The following TNFSF12 variants were observed in gnomAD, a reference collection of about 807,000 sequenced individuals.
TNFSF12 encodes the protein TNF superfamily member 12, also known as tumor necrosis factor ligand superfamily member 12.
Under a neutral mutation model 31.2 loss-of-function variants are expected in TNFSF12, and 16 were observed. That is an observed-to-expected ratio of 0.51 (90% confidence interval 0.35 to 0.78). TNFSF12 has a LOEUF of 0.78. TNFSF12 is among the 30% of genes least tolerant of loss of function. TNFSF12 has a pLI of 0.01. For synonymous variants in TNFSF12, 150 were observed against 151.4 expected (o/e 0.99, Z 0.07); for missense variants, 324 against 338.8 (o/e 0.96, Z 0.34).
In TNFSF12 at chr17:7,555,973, G is replaced by GTTTTTTGTTTTTTTTTTTTTT. The variant is rs1555564686; in HGVS notation, c.374-799_374-798insGTTTTTTTTTTTTTTTTTTTT. ...GTGGAAATAAAAATGCCCAGTGAGC[G>GTTTTTTGTTTTTTTTTTTTTT]TTTTTTTTGTTTTTTTTTTTTTTTG... On this transcript the variant is annotated intron_variant, in intron 5 of 6. Transcript: ENST00000293825. Among the ~76,000 whole-genome samples the GTTTTTTGTTTTTTTTTTTTTT allele has an allele frequency of 4.5e-4, 32 of 70,908 alleles. 3 individuals carry two copies. The highest frequency in any genetic ancestry group is 8.7e-4 in the East Asian group (2 of 2,296). The allele number at this position is 70,908 out of a possible 152,430, so 46.5% of individuals were successfully genotyped here. A position where few individuals can be genotyped will look rare whatever the true frequency, so the allele number is the denominator to read the frequency against.
rs1024283372 is a variant in TNFSF12 at position 7,549,791 on chromosome 17, G to C, written c.207+270G>C. 1.8e-5 allele frequency: 11 copies of C among 604,124 alleles called. No homozygotes were observed. The highest frequency in any genetic ancestry group is 3.1e-5 in the Non-Finnish European group (11 of 351,418). The allele number at this position is 604,124 out of a possible 1,614,324, so 37.4% of individuals were successfully genotyped here. Reference sequence around the variant, plus strand: ...TGTATAAGATATGTGAGTCTGCGTGGAAGAGGGGTGCGGTTGTGTACAGGG... The same window carrying C: ...TGTATAAGATATGTGAGTCTGCGTGCAAGAGGGGTGCGGTTGTGTACAGGG... On this transcript the variant is annotated intron_variant, in intron 2 of 6. Transcript: ENST00000293825. The surrounding 1 kb of genome is among the most constrained non-coding windows in gnomAD (Gnocchi z 4.1).
rs1203583303 is a variant in TNFSF12, at chr17:7,549,116, A to AT, written c.-37dup. ...CTCCCCCGATCCCTCGGGTCCCGGG[A>AT]TGGGGGGGCGGTGAGGCAGGCACAG... On this transcript the variant is annotated 5_prime_UTR_variant, in exon 1 of 7. It removes an upstream start codon present in the reference 5' UTR. Transcript: ENST00000293825. This position sits in a 1 kb window ranked among gnomAD's most constrained non-coding sequence, Gnocchi z 4.1. 3 of 1,144,746 alleles carry AT rather than the reference A, an allele frequency of 2.6e-6. No homozygotes were observed. Among genetic ancestry groups the AT allele is most frequent in the Non-Finnish European group, 3.2e-6 (3 of 936,086 alleles). 70.9% of individuals were successfully genotyped at this position (1,144,746 alleles called of 1,614,324 possible).
chr17:7,556,988 G>A, intron 6 of TNFSF12, 86 bp downstream of exon 6: 6 of 1,537,792 alleles, frequency 3.9e-6, no homozygotes, highest in Non-Finnish European at 3.5e-6. Flanking sequence ...TACAGGGCTG[G>A]GAGGGTGAGT....
chr17:7,549,994 C>T lies in TNFSF12; in HGVS notation c.208-126C>T, dbSNP rs1399873788. 4.7e-6 allele frequency: 7 copies of T among 1,481,966 alleles called. No individual in the cohort carries two copies. The Admixed American group carries it at 8.9e-5, about 19-fold the overall frequency. The allele number at this position is 1,481,966 out of a possible 1,614,324, so 91.8% of individuals were successfully genotyped here. On this transcript the variant is annotated intron_variant, in intron 2 of 6. Coordinates refer to ENST00000293825, the MANE Select transcript of TNFSF12 (RefSeq NM_003809.3). The surrounding 1 kb of genome is among the most constrained non-coding windows in gnomAD (Gnocchi z 4.1). Reference sequence around the variant, plus strand: ...TGCCCGGGGCCCCAGCTGTAGTTGGCTGAGGGGCTTAATCTGTCCCTGACT... The same window carrying T: ...TGCCCGGGGCCCCAGCTGTAGTTGGTTGAGGGGCTTAATCTGTCCCTGACT...
chr17:7,551,058 C>A, intron 5 of TNFSF12, 80 bp downstream of exon 5: 1 of 1,602,998 alleles, frequency 6.2e-7, no homozygotes. Context: ...ACTCCCTTCC[C>A]GGCCATCAGT....
At chr17:7,555,138 AC>A in intron 5 of TNFSF12, among the ~76,000 whole-genome samples, 1 of 82,698 alleles carries the variant, frequency 1.2e-5, no homozygotes, top group Non-Finnish European at 3.5e-5. Context: ...CAAGAGTGAG[AC>A]TCCATCTCAA....
Position 7,554,750 on chromosome 17 carries a change from G to A in TNFSF12, c.374-2028G>A, listed in dbSNP as rs933136180. Reference sequence around the variant, plus strand: ...CTGCCTCAGTCTCCCGAGTAGCTGGGACTACAGGCGCCTGCCACCACGCCT... The same window carrying A: ...CTGCCTCAGTCTCCCGAGTAGCTGGAACTACAGGCGCCTGCCACCACGCCT... On this transcript the variant is annotated intron_variant, in intron 5 of 6. Coordinates refer to ENST00000293825, the MANE Select transcript of TNFSF12 (RefSeq NM_003809.3). Among the ~76,000 whole-genome samples, 3 of 137,274 alleles carry A rather than the reference G, an allele frequency of 2.2e-5. No homozygotes were observed. In the Admixed American group the frequency reaches 2.2e-4, roughly 10 times the overall value. 90.1% of individuals were successfully genotyped at this position (137,274 alleles called of 152,430 possible). A position where few individuals can be genotyped will look rare whatever the true frequency, so the allele number is the denominator to read the frequency against.
Position 7,549,985 on chromosome 17 carries a change from T to C in TNFSF12, c.208-135T>C. 7.1e-7 allele frequency: 1 copy of C among 1,407,834 alleles called. No individual in the cohort carries two copies. Among genetic ancestry groups the C allele is most frequent in the African/African-American group, 1.4e-5 (1 of 70,326 alleles). 87.2% of individuals were successfully genotyped at this position (1,407,834 alleles called of 1,614,324 possible). A position where few individuals can be genotyped will look rare whatever the true frequency, so the allele number is the denominator to read the frequency against. ...CTTCACCTTTGCCCGGGGCCCCAGC[T>C]GTAGTTGGCTGAGGGGCTTAATCTG... On this transcript the variant is annotated intron_variant, in intron 2 of 6. Coordinates refer to ENST00000293825, the MANE Select transcript of TNFSF12 (RefSeq NM_003809.3). This position sits in a 1 kb window ranked among gnomAD's most constrained non-coding sequence, Gnocchi z 4.1.
chr17:7,555,982 GTTTTT>G (rs1167470187), intron 5 of TNFSF12, among the ~76,000 whole-genome samples: 1 of 117,734 alleles, frequency 8.5e-6, no homozygotes, highest in Non-Finnish European at 1.7e-5. Context: ...CGTTTTTTTT[GTTTTT>G]TTTTTTTTTT....
chr17:7,552,422 G>C (rs762161371), intron 5 of TNFSF12, among the ~76,000 whole-genome samples: 1 of 151,372 alleles, frequency 6.6e-6, no homozygotes, highest in South Asian at 2.1e-4. Context: ...CTGCCTCCTG[G>C]GTCCAAGCGA....
rs1215997251 is a variant in TNFSF12, at chr17:7,557,160, T to C, written c.560T>C (p.Leu187Pro). The change falls in exon 7 of 7, where the codon CTG becomes CCG. Residue 187 changes from leucine (L) to proline (P), a missense_variant. By Grantham distance (98) the Leu-to-Pro change is moderately conservative. Coordinates refer to ENST00000293825, the MANE Select transcript of TNFSF12 (RefSeq NM_003809.3). The surrounding 1 kb of genome is among the most constrained non-coding windows in gnomAD (Gnocchi z 5.2). ...LKLDLLVDGV[L>P]ALRCLEEFSA... The stretch of plus-strand genomic sequence containing the variant: ...CTGGACTTGCTGGTGGATGGTGTGC[T>C]GGCCCTGCGCTGCCTGGAGGAATTC... 1 of 1,613,892 alleles carries C rather than the reference T, an allele frequency of 6.2e-7. No homozygotes were observed. The highest frequency in any genetic ancestry group is 2.2e-5 in the East Asian group (1 of 44,888).
In TNFSF12 at chr17:7,557,520, T is replaced by C; in HGVS notation, c.*170T>C. The C allele has an allele frequency of 1.1e-6, 1 of 902,014 alleles. No homozygotes were observed. The highest frequency in any genetic ancestry group is 3.2e-5 in the Admixed American group (1 of 31,386). The allele number at this position is 902,014 out of a possible 1,614,324, so 55.9% of individuals were successfully genotyped here. A position where few individuals can be genotyped will look rare whatever the true frequency, so the allele number is the denominator to read the frequency against. ...TGTTTTCCATCCCACATAAATACAGTATTCCCACTCTTATCTTACAACTCC... is the reference window on the plus strand; with the variant it reads ...TGTTTTCCATCCCACATAAATACAGCATTCCCACTCTTATCTTACAACTCC... On this transcript the variant is annotated 3_prime_UTR_variant, in exon 7 of 7. Coordinates refer to ENST00000293825, the MANE Select transcript of TNFSF12 (RefSeq NM_003809.3). The surrounding 1 kb of genome is among the most constrained non-coding windows in gnomAD (Gnocchi z 5.2).
chr17:7,556,632 G>A (rs2071070457), intron 5 of TNFSF12, 146 bp from the exon 6 acceptor site: 14 of 1,291,376 alleles, frequency 1.1e-5, no homozygotes, highest in Non-Finnish European at 1.4e-5. Context: ...GGGCATCATA[G>A]GGGATGGGTC....
At position 7,557,596 on chromosome 17, in the gene TNFSF12, G is replaced by A. The variant is rs2071090369; in HGVS notation, c.*246G>A. The A allele has an allele frequency of 5.6e-6, 3 of 535,812 alleles. No homozygotes were observed. The South Asian group carries it at 8.1e-5, about 14-fold the overall frequency. 33.2% of individuals were successfully genotyped at this position (535,812 alleles called of 1,614,324 possible). On this transcript the variant is annotated 3_prime_UTR_variant, in exon 7 of 7. Transcript: ENST00000293825. This position sits in a 1 kb window ranked among gnomAD's most constrained non-coding sequence, Gnocchi z 5.2. ...AGCTCCCCAATCCCTGACCCTTTGA[G>A]GCCCCCAGTGATCTCGACTCCCCCC...
At position 7,549,561 on chromosome 17, in the gene TNFSF12, TG is replaced by T. The variant is rs1319443969; in HGVS notation, c.207+43del. 3.3e-6 allele frequency: 5 copies of T among 1,511,004 alleles called. No individual in the cohort carries two copies. The South Asian group carries it at 6.3e-5, about 19-fold the overall frequency. 93.6% of individuals were successfully genotyped at this position (1,511,004 alleles called of 1,614,324 possible). On this transcript the variant is annotated intron_variant, in intron 2 of 6. Coordinates refer to ENST00000293825, the MANE Select transcript of TNFSF12 (RefSeq NM_003809.3). This position sits in a 1 kb window ranked among gnomAD's most constrained non-coding sequence, Gnocchi z 4.1. ...GCGCGGTCTGCAGGCTGCTGGGGCA[TG>T]GGAAGTGTGCACAGCCGAGGCTGCA...
Position 7,549,690 on chromosome 17 carries a change from C to A in TNFSF12, c.207+169C>A. 1 of 1,153,944 alleles carries A rather than the reference C, an allele frequency of 8.7e-7. No individual in the cohort carries two copies. The highest frequency in any genetic ancestry group is 1.2e-6 in the Non-Finnish European group (1 of 850,850). 71.5% of individuals were successfully genotyped at this position (1,153,944 alleles called of 1,614,324 possible). ...CTGCAGGGGTGTGTGTGCGTGGTGA[C>A]AACTCTGTGTGAGGGGTTTGTGCTG... is the stretch of plus-strand genomic sequence containing the variant. On this transcript the variant is annotated intron_variant, in intron 2 of 6. Coordinates refer to ENST00000293825, the MANE Select transcript of TNFSF12 (RefSeq NM_003809.3). The surrounding 1 kb of genome is among the most constrained non-coding windows in gnomAD (Gnocchi z 4.1).
chr17:7,550,462 A>G lies in TNFSF12; in HGVS notation c.283+267A>G, dbSNP rs1289403451. On this transcript the variant is annotated intron_variant, in intron 3 of 6. Coordinates refer to ENST00000293825, the MANE Select transcript of TNFSF12 (RefSeq NM_003809.3). The surrounding 1 kb of genome is among the most constrained non-coding windows in gnomAD (Gnocchi z 4.4). ...GATGGAGACTAGGCCTGGCAGTCAG[A>G]GGCCTGGGCCCCGGTAGGCAAAGAG... Among the ~76,000 whole-genome samples the G allele has an allele frequency of 6.6e-6, 1 of 152,168 alleles. No individual in the cohort carries two copies. The highest frequency in any genetic ancestry group is 1.5e-5 in the Non-Finnish European group (1 of 68,036).
At position 7,550,203 on chromosome 17, in the gene TNFSF12, T is replaced by C; in HGVS notation, c.283+8T>C. 1 of 1,614,066 alleles carries C rather than the reference T, an allele frequency of 6.2e-7. No individual in the cohort carries two copies. Among genetic ancestry groups the C allele is most frequent in the East Asian group, 2.2e-5 (1 of 44,888 alleles). On this transcript the variant is annotated splice_region_variant and intron_variant, in intron 3 of 6. Coordinates refer to ENST00000293825, the MANE Select transcript of TNFSF12 (RefSeq NM_003809.3). This position sits in a 1 kb window ranked among gnomAD's most constrained non-coding sequence, Gnocchi z 4.4. ...TTCGGCCTCGCAGAAGTGGTGAGCA[T>C]CCCTCTATCCCAACCTCAGGAAGCG...
chr17:7,554,759 C>T (rs1474754224), intron 5 of TNFSF12, among the ~76,000 whole-genome samples: 16 of 127,238 alleles, frequency 1.3e-4, no homozygotes, highest in East Asian at 2.3e-4. Flanking sequence ...GGACTACAGG[C>T]GCCTGCCACC....
Sources: allele counts gnomAD v4.1 joint callset (sites outside exome capture counted in the v4.1 genomes callset), GRCh38; gene constraint gnomAD v4.1.1; non-coding constraint Gnocchi (gnomAD v3.1); transcripts MANE v1.5; gene names NCBI Gene and HGNC (gene_info 2026-07-23, HGNC 2026-07-21).